RALGAPA1: variants seen among roughly 807,000 people sequenced by gnomAD.
RALGAPA1 encodes ral GTPase-activating protein subunit alpha-1.
In RALGAPA1, 52 loss-of-function variants were observed where a neutral mutation model predicts 269.6. The ratio of observed to expected loss-of-function variants is 0.19; its 90% confidence interval spans 0.15 to 0.24. The LOEUF (loss-of-function observed/expected upper bound fraction) is 0.24. Among genes scored for constraint, RALGAPA1 ranks in the 10% least tolerant of loss-of-function variants. The pLI, the probability that RALGAPA1 is intolerant of heterozygous loss-of-function variation, is 1.00. For synonymous variants in RALGAPA1, 817 were observed against 1,008.3 expected, an observed-to-expected ratio of 0.81 and a Z score of 3.60; for missense variants, 1,917 against 3,013.9, an observed-to-expected ratio of 0.64 and a Z score of 8.52.
chr14:35,684,478 T>G (rs1436033149), intron 20 of RALGAPA1, among the ~76,000 whole-genome samples: 1 of 152,196 alleles, frequency 6.6e-6, no homozygotes, highest in Non-Finnish European at 1.5e-5. Context: ...ATGACTGGCT[T>G]TTTAGTAACA....
intron 1 of RALGAPA1, among the ~76,000 whole-genome samples, chr14:35,790,023 G>T (rs972728371): frequency 6.6e-6 from 1 of 152,138 alleles, no homozygotes; most frequent in East Asian, 1.9e-4. Flanking sequence ...GGAGGCCAAG[G>T]AGGTGGATCT....
intron 37 of RALGAPA1, among the ~76,000 whole-genome samples, chr14:35,576,569 A>G (rs1181347241): frequency 1.3e-5 from 2 of 152,212 alleles, no homozygotes; most frequent in Non-Finnish European, 2.9e-5. Context: ...AGAGCCTTAC[A>G]GCAAGTCATT....
chr14:35,680,283 C>T (rs1194666132), intron 21 of RALGAPA1, among the ~76,000 whole-genome samples: 1 of 152,180 alleles, frequency 6.6e-6, no homozygotes, highest in African/African-American at 2.4e-5. Context: ...TCGTGGCTCA[C>T]TGCAACCTCT....
intron 12 of RALGAPA1, among the ~76,000 whole-genome samples, chr14:35,732,396 A>G (rs1240845702): frequency 6.6e-6 from 1 of 152,162 alleles, no homozygotes; most frequent in East Asian, 1.9e-4. Flanking sequence ...ATGGAATGGT[A>G]CCTCACATCT....
chr14:35,764,719 A>AT (rs2074005003), intron 4 of RALGAPA1, among the ~76,000 whole-genome samples: 1 of 150,928 alleles, frequency 6.6e-6, no homozygotes, highest in African/African-American at 2.4e-5. Flanking sequence ...TAATTTTTGT[A>AT]TTTTTTGTAG....
rs146307326 is a variant in RALGAPA1, at chr14:35,708,244, T to C, written c.2267-7942A>G. Among the ~76,000 whole-genome samples, 1,002 of 151,986 alleles carry C rather than the reference T, an allele frequency of 6.6e-3. 18 individuals carry two copies. Among genetic ancestry groups the C allele is most frequent in the Non-Finnish European group, 7.4e-3 (504 of 67,936 alleles). On this transcript the variant is annotated intron_variant, in intron 16 of 41. Coordinates refer to ENST00000680220, the MANE Select transcript of RALGAPA1 (RefSeq NM_001346249.2). Reference sequence around the variant, plus strand: ...TATCCCCAGGCAACCAAAGCAAAAATGGACAAATGAGATGACATCATGTTA... The same window carrying C: ...TATCCCCAGGCAACCAAAGCAAAAACGGACAAATGAGATGACATCATGTTA...
chr14:35,755,865 T>A, intron 7 of RALGAPA1, among the ~76,000 whole-genome samples: 1 of 152,306 alleles, frequency 6.6e-6, no homozygotes, highest in Middle Eastern at 3.4e-3. Context: ...GTATGAGGAA[T>A]TTTTGTGTTT....
intron 29 of RALGAPA1, 125 bp from the exon 30 acceptor site, chr14:35,654,602 A>T (rs1309894674): frequency 1.1e-5 from 13 of 1,141,438 alleles, no homozygotes; most frequent in Non-Finnish European, 1.5e-5. Flanking sequence ...ATAGGTGATT[A>T]AGATAAATCT....
chr14:35,748,370 C>A, intron 10 of RALGAPA1: 1 of 353,614 alleles, frequency 2.8e-6, no homozygotes, highest in Non-Finnish European at 4.8e-6. Context: ...TAATTTCTCT[C>A]TCTCGCTCTT....
intron 13 of RALGAPA1, among the ~76,000 whole-genome samples, chr14:35,726,559 A>C (rs1021970306): frequency 6.6e-6 from 1 of 152,138 alleles, no homozygotes; most frequent in South Asian, 2.1e-4. Flanking sequence ...TGGTCAAGGC[A>C]GGTGGATCGC....
At chr14:35,578,620 G>A (rs2057738689) in intron 37 of RALGAPA1, among the ~76,000 whole-genome samples, 1 of 152,078 alleles carries the variant, frequency 6.6e-6, no homozygotes, top group Non-Finnish European at 1.5e-5. Context: ...TAGCAGAGTG[G>A]GCATTCAATA....
At position 35,595,836 on chromosome 14, in the gene RALGAPA1, T is replaced by G. The variant is rs535268923; in HGVS notation, c.7054-47A>C. The G allele has an allele frequency of 5.3e-6, 8 of 1,501,052 alleles. No homozygotes were observed. In the South Asian group the frequency reaches 6.0e-5, roughly 11 times the overall value. The allele number at this position is 1,501,052 out of a possible 1,614,324, so 93.0% of individuals were successfully genotyped here. A position where few individuals can be genotyped will look rare whatever the true frequency, so the allele number is the denominator to read the frequency against. Reference sequence around the variant, plus strand: ...ATAAATTAATTAAACAAAACCCAAATACACTACAGAGAAAGACTCAAACTT... The same window carrying G: ...ATAAATTAATTAAACAAAACCCAAAGACACTACAGAGAAAGACTCAAACTT... On this transcript the variant is annotated intron_variant, in intron 36 of 41. Coordinates refer to ENST00000680220, the MANE Select transcript of RALGAPA1 (RefSeq NM_001346249.2).
chr14:35,612,819 T>C (rs1334704380), intron 35 of RALGAPA1, among the ~76,000 whole-genome samples: 4 of 152,084 alleles, frequency 2.6e-5, no homozygotes, highest in Non-Finnish European at 4.4e-5. Flanking sequence ...ATTACAGGTG[T>C]GAGCCACCGT....
chr14:35,700,124 G>A (rs1567036238), intron 17 of RALGAPA1, 38 bp downstream of exon 17: 2 of 1,495,946 alleles, frequency 1.3e-6, no homozygotes, highest in Non-Finnish European at 8.8e-7. Context: ...ATTAAAAAGT[G>A]AAAAAGGTGG....
intron 21 of RALGAPA1, among the ~76,000 whole-genome samples, chr14:35,682,749 A>G (rs1482237518): frequency 6.6e-6 from 1 of 152,206 alleles, no homozygotes; most frequent in Non-Finnish European, 1.5e-5. Context: ...TTCATTATAA[A>G]ATAAGAATTT....
At chr14:35,754,623 G>A (rs1011295967) in intron 7 of RALGAPA1, among the ~76,000 whole-genome samples, 3 of 152,174 alleles carry the variant, frequency 2.0e-5, no homozygotes, top group Admixed American at 6.5e-5. Flanking sequence ...CTGGTGGAAT[G>A]TAAAAAGGTA....
rs377100244 is a variant in RALGAPA1 at position 35,683,830 on chromosome 14, C to T, written c.4450G>A (p.Ala1484Thr). 40 of 1,599,364 alleles carry T rather than the reference C, an allele frequency of 2.5e-5. No homozygotes were observed. In the African/African-American group the frequency reaches 5.0e-4, roughly 20 times the overall value. The change falls in exon 21 of 42, where the codon GCT (alanine) becomes ACT (threonine). Residue 1484 changes from alanine to threonine, a missense_variant. By Grantham distance (58) the Ala-to-Thr change is moderately conservative. Coordinates refer to ENST00000680220, the MANE Select transcript of RALGAPA1 (RefSeq NM_001346249.2). ...TSSLNQQAFS[A>T]EVATITGSES... ...TTACCAGTAATAGTTGCAACTTCAGCAGAGAAAGCTTGCTGATTAAGACTG... is the reference window on the plus strand; with the variant it reads ...TTACCAGTAATAGTTGCAACTTCAGTAGAGAAAGCTTGCTGATTAAGACTG...
intron 37 of RALGAPA1, among the ~76,000 whole-genome samples, chr14:35,589,629 T>C (rs1340592992): frequency 6.6e-6 from 1 of 152,226 alleles, no homozygotes; most frequent in Admixed American, 6.5e-5. Flanking sequence ...ATATTATTAA[T>C]TTTAAACTCT....
At chr14:35,761,602 C>T (rs2073711504) in intron 5 of RALGAPA1, among the ~76,000 whole-genome samples, 1 of 152,168 alleles carries the variant, frequency 6.6e-6, no homozygotes, top group African/African-American at 2.4e-5. Context: ...CAACTTTGTT[C>T]TACTCTATTA....
Sources: gnomAD v4.1 joint callset for allele counts (sites outside exome capture counted in the v4.1 genomes callset) on GRCh38, gnomAD v4.1.1 for gene constraint, MANE v1.5 for transcripts, NCBI Gene and HGNC (gene_info 2026-07-23, HGNC 2026-07-21) for gene names.